SPRY3: variants seen among roughly 807,000 people sequenced by gnomAD.
The protein encoded by SPRY3 is protein sprouty homolog 3.
Under a neutral mutation model 20.2 loss-of-function variants are expected in SPRY3, and 15 were observed. The observed-to-expected ratio is 0.74, with a 90% CI of 0.50 to 1.14. The LOEUF (loss-of-function observed/expected upper bound fraction) is 1.14, where lower values mean the gene tolerates loss of function less well. Among genes scored for constraint, SPRY3 ranks in the 50% most tolerant of loss-of-function variants. The probability of loss-of-function intolerance (pLI) is 0.00; values close to 1 mark genes in which losing one functional copy is unlikely to be tolerated. For synonymous variants in SPRY3, 143 were observed against 136.5 expected (o/e 1.05, Z -0.33); for missense variants, 364 against 363.9 (o/e 1.00, Z 0.00).
intron 2 of SPRY3, among the ~76,000 whole-genome samples, chrX:155,737,994 C>T (rs1372760331): frequency 6.6e-6 from 1 of 151,954 alleles, no homozygotes; most frequent in Non-Finnish European, 1.5e-5. Context: ...ATGCACTCAC[C>T]TTTAAAAAAT....
intron 2 of SPRY3, among the ~76,000 whole-genome samples, chrX:155,751,973 TAAAATAAA>T (rs2091265882): frequency 6.7e-5 from 6 of 90,158 alleles, no homozygotes; most frequent in African/African-American, 3.4e-4. Flanking sequence ...TAAAATAAAA[TAAAATAAA>T]ATAAAGGAAA....
chrX:155,710,473 G>A (rs2090978886), intron 2 of SPRY3, among the ~76,000 whole-genome samples: 1 of 151,490 alleles, frequency 6.6e-6, no homozygotes, highest in African/African-American at 2.4e-5. Flanking sequence ...TTTGCTGTTG[G>A]AATATAGTAA....
intron 1 of SPRY3, among the ~76,000 whole-genome samples, chrX:155,635,311 A>C (rs1043853287): frequency 1.5e-4 from 17 of 111,062 alleles, no homozygotes; most frequent in African/African-American, 4.3e-4. Flanking sequence ...GCTGCTTCCA[A>C]GTCTTTGCTA....
At chrX:155,660,777 T>A (rs1557353592) in intron 2 of SPRY3, among the ~76,000 whole-genome samples, 1 of 108,803 alleles carries the variant, frequency 9.2e-6, no homozygotes, top group African/African-American at 3.5e-5. Flanking sequence ...TATACTGACC[T>A]TCTTTGTCTT....
chrX:155,754,084 T>C (rs2091274577), intron 2 of SPRY3, among the ~76,000 whole-genome samples: 2 of 152,000 alleles, frequency 1.3e-5, no homozygotes, highest in Admixed American at 1.3e-4. Flanking sequence ...AAAAAGGTTT[T>C]GATTTTGAAG....
At chrX:155,699,362 G>A (rs908259917) in intron 2 of SPRY3, among the ~76,000 whole-genome samples, 4 of 111,922 alleles carry the variant, frequency 3.6e-5, no homozygotes, top group African/African-American at 1.3e-4. Context: ...AGTTGACAAC[G>A]TGGTGAAGCC....
At chrX:155,635,120 A>T (rs1174999972) in intron 1 of SPRY3, among the ~76,000 whole-genome samples, 1 of 109,407 alleles carries the variant, frequency 9.1e-6, no homozygotes, top group African/African-American at 3.3e-5. Context: ...CCCACTTATG[A>T]GTGAGAACAT....
intron 2 of SPRY3, among the ~76,000 whole-genome samples, chrX:155,709,502 A>G (rs940273412): frequency 6.6e-6 from 1 of 151,538 alleles, no homozygotes; most frequent in Non-Finnish European, 1.5e-5. Flanking sequence ...CCATTTTTAA[A>G]TCAGATTTTT....
intron 2 of SPRY3, among the ~76,000 whole-genome samples, chrX:155,707,630 G>A (rs1459969529): frequency 2.0e-5 from 3 of 150,970 alleles, no homozygotes; most frequent in African/African-American, 7.3e-5. Context: ...TGTTAGGTGG[G>A]AATGCATTTA....
At chrX:155,730,141 C>T (rs1468745046) in intron 2 of SPRY3, among the ~76,000 whole-genome samples, 1 of 152,144 alleles carries the variant, frequency 6.6e-6, no homozygotes, top group African/African-American at 2.4e-5. Flanking sequence ...CCTACTCAAA[C>T]TATTCCAAGA....
chrX:155,723,257 C>G (rs2091073823), intron 2 of SPRY3, among the ~76,000 whole-genome samples: 1 of 152,104 alleles, frequency 6.6e-6, no homozygotes. Flanking sequence ...GTGCATGTGT[C>G]TTTATAGCAG....
At chrX:155,773,802 A>G in exon 4 of SPRY3, 3 of 1,530,210 alleles carry the variant, frequency 2.0e-6, no homozygotes, top group Non-Finnish European at 2.6e-6. Flanking sequence ...TGTAACTACA[A>G]GGGCTCCTCT....
At chrX:155,673,662 G>T (rs184514630) in intron 2 of SPRY3, among the ~76,000 whole-genome samples, 1 of 111,880 alleles carries the variant, frequency 8.9e-6, no homozygotes, top group African/African-American at 3.2e-5. Flanking sequence ...CCTTGCTTGG[G>T]CACCTCCTTG....
Position 155,753,847 on chromosome X carries a change from GT to G in SPRY3, c.-281-14113del, listed in dbSNP as rs746723994. Among the ~76,000 whole-genome samples, 449 of 152,018 alleles carry G rather than the reference GT, an allele frequency of 3.0e-3. 3 individuals carry two copies. Among genetic ancestry groups the G allele is most frequent in the African/African-American group, 0.01 (435 of 41,506 alleles). On this transcript the variant is annotated intron_variant, in intron 2 of 3. Coordinates refer to ENST00000675360, the Ensembl canonical transcript of SPRY3. ...GCTTTGCATTCCCCTAATGACTGAT[GT>G]TATTGAGCATGTTTTCATGCACATA...
At chrX:155,673,512 A>ATC (rs2068050233) in intron 2 of SPRY3, among the ~76,000 whole-genome samples, 1 of 111,756 alleles carries the variant, frequency 8.9e-6, no homozygotes, top group East Asian at 2.8e-4. Flanking sequence ...TTTGTCAGAA[A>ATC]TGCTGCCAAA....
At chrX:155,684,595 C>G in intron 2 of SPRY3, among the ~76,000 whole-genome samples, 1 of 111,741 alleles carries the variant, frequency 8.9e-6, no homozygotes, top group East Asian at 2.8e-4. Flanking sequence ...AACATCCTAT[C>G]AGACATTTTC....
intron 2 of SPRY3, among the ~76,000 whole-genome samples, chrX:155,682,307 A>G (rs763574082): frequency 8.9e-6 from 1 of 112,717 alleles, no homozygotes; most frequent in Non-Finnish European, 1.9e-5. Context: ...ACCTACTGCT[A>G]AGAAAAAGAA....
intron 2 of SPRY3, among the ~76,000 whole-genome samples, chrX:155,750,702 G>C (rs918423041): frequency 2.6e-5 from 4 of 151,800 alleles, no homozygotes; most frequent in African/African-American, 7.2e-5. Flanking sequence ...AGTGAGAATG[G>C]AGTACTAGAT....
chrX:155,725,917 T>C (rs956736565), intron 2 of SPRY3, among the ~76,000 whole-genome samples: 1 of 152,212 alleles, frequency 6.6e-6, no homozygotes, highest in Non-Finnish European at 1.5e-5. Flanking sequence ...TGTTAGGATG[T>C]CAATTTTAGA....
Sources: allele counts gnomAD v4.1 joint callset (sites outside exome capture counted in the v4.1 genomes callset), GRCh38; gene constraint gnomAD v4.1.1; transcripts MANE v1.5; gene names NCBI Gene and HGNC (gene_info 2026-07-23, HGNC 2026-07-21).